NAV3: variants seen among roughly 807,000 people sequenced by gnomAD.
The protein encoded by NAV3 is neuron navigator 3, also known as pore membrane and/or filament interacting like protein 1.
NAV3 carries 87 observed loss-of-function variants against 244.7 expected under a neutral mutation model. The ratio of observed to expected loss-of-function variants is 0.36; its 90% confidence interval spans 0.30 to 0.42. NAV3 has a LOEUF of 0.42. NAV3 is among the 20% of genes least tolerant of loss of function. The probability of loss-of-function intolerance (pLI) is 1.00; values close to 1 mark genes in which losing one functional copy is unlikely to be tolerated. For missense variants in NAV3, 2,663 were observed against 2,893.3 expected, an observed-to-expected ratio of 0.92 and a Z score of 1.83; for synonymous variants, 1,126 against 1,042.2, an observed-to-expected ratio of 1.08 and a Z score of -1.55.
intron 8 of NAV3, among the ~76,000 whole-genome samples, chr12:78,013,799 A>C (rs1875714964): frequency 6.6e-6 from 1 of 152,128 alleles, no homozygotes; most frequent in Admixed American, 6.6e-5. Context: ...TGAATTTCTT[A>C]GGTTTGTTAA....
At chr12:78,129,814 A>G (rs1200607527) in intron 18 of NAV3, among the ~76,000 whole-genome samples, 1 of 152,168 alleles carries the variant, frequency 6.6e-6, no homozygotes, top group African/African-American at 2.4e-5. Context: ...AGGACGGAGG[A>G]CAATGAAACA....
chr12:77,596,177 G>A (rs1164136162), intron 2 of NAV3, among the ~76,000 whole-genome samples: 1 of 152,100 alleles, frequency 6.6e-6, no homozygotes, highest in Non-Finnish European at 1.5e-5. Flanking sequence ...TTGCATAAGA[G>A]GCTTGATCTC....
At chr12:78,128,990 A>G in intron 18 of NAV3, 124 bp downstream of exon 18, 1 of 822,960 alleles carries the variant, frequency 1.2e-6, no homozygotes, top group Non-Finnish European at 1.9e-6. Flanking sequence ...GCACTTTAAC[A>G]GTACCTTTCA....
chr12:78,099,358 TA>T (rs1305720256), intron 12 of NAV3, among the ~76,000 whole-genome samples: 8 of 151,774 alleles, frequency 5.3e-5, no homozygotes, highest in Admixed American at 3.3e-4. Flanking sequence ...AGCAGAGTGT[TA>T]ACTAGGTAAA....
intron 2 of NAV3, among the ~76,000 whole-genome samples, chr12:77,573,110 GA>G (rs1868907934): frequency 6.6e-6 from 1 of 152,150 alleles, no homozygotes; most frequent in Non-Finnish European, 1.5e-5. Flanking sequence ...GTGCTGGCAA[GA>G]AATGGGAGAA....
At chr12:78,182,573 A>G (rs940747178) in intron 30 of NAV3, among the ~76,000 whole-genome samples, 1 of 151,998 alleles carries the variant, frequency 6.6e-6, no homozygotes, top group Non-Finnish European at 1.5e-5. Flanking sequence ...AAAACTTAGT[A>G]TCTAGGAAAA....
At chr12:77,717,530 A>G (rs1187257216) in intron 2 of NAV3, among the ~76,000 whole-genome samples, 6 of 152,112 alleles carry the variant, frequency 3.9e-5, no homozygotes, top group Non-Finnish European at 8.8e-5. Flanking sequence ...TCATCAGTGG[A>G]CATTTATGTT....
chr12:78,017,647 G>A (rs990120838), intron 8 of NAV3, among the ~76,000 whole-genome samples: 4 of 152,038 alleles, frequency 2.6e-5, no homozygotes, highest in East Asian at 3.9e-4. Context: ...CAGTTTATGG[G>A]GAAACAGTGA....
chr12:77,678,370 C>T (rs1408307534), intron 2 of NAV3, among the ~76,000 whole-genome samples: 2 of 151,984 alleles, frequency 1.3e-5, no homozygotes, highest in African/African-American at 2.4e-5. Context: ...TTAACGTTTA[C>T]TAACGTATTT....
At chr12:78,130,135 C>A (rs1346909314) in intron 18 of NAV3, among the ~76,000 whole-genome samples, 1 of 152,074 alleles carries the variant, frequency 6.6e-6, no homozygotes, top group African/African-American at 2.4e-5. Flanking sequence ...AGCTTTTTGC[C>A]AGTCTAGTTT....
intron 14 of NAV3, 29 bp from the exon 15 acceptor site, chr12:78,119,208 C>CAT: frequency 6.3e-7 from 1 of 1,585,606 alleles, no homozygotes; most frequent in South Asian, 1.1e-5. Context: ...TCTACAGGCA[C>CAT]ATATATTTGT....
chr12:77,844,038 G>T (rs530890945), intron 1 of NAV3, among the ~76,000 whole-genome samples: 1 of 152,334 alleles, frequency 6.6e-6, no homozygotes, highest in African/African-American at 2.4e-5. Flanking sequence ...CTGTTGAGCT[G>T]TTAAGATTAA....
intron 1 of NAV3, among the ~76,000 whole-genome samples, chr12:77,881,591 A>G (rs1244773373): frequency 6.6e-6 from 1 of 152,162 alleles, no homozygotes; most frequent in Non-Finnish European, 1.5e-5. Context: ...GCAATTAGTG[A>G]ACAGAAAGAA....
At chr12:78,058,412 A>T (rs1883831712) in intron 11 of NAV3, among the ~76,000 whole-genome samples, 1 of 152,146 alleles carries the variant, frequency 6.6e-6, no homozygotes, top group African/African-American at 2.4e-5. Context: ...ATATGGGGAA[A>T]ACTATCCCCG....
chr12:77,704,563 T>G (rs1875706742), intron 2 of NAV3, among the ~76,000 whole-genome samples: 1 of 152,134 alleles, frequency 6.6e-6, no homozygotes, highest in Non-Finnish European at 1.5e-5. Flanking sequence ...CACATAATCT[T>G]TTTTTTCTGG....
upstream of NAV3, among the ~76,000 whole-genome samples, chr12:77,828,423 T>G (rs147806627): frequency 1.9e-3 from 286 of 152,246 alleles, 2 homozygotes; most frequent in African/African-American, 6.5e-3. Context: ...ACTAACACAG[T>G]GGGTTCGAGA....
intron 12 of NAV3, among the ~76,000 whole-genome samples, chr12:78,075,167 T>C (rs918026727): frequency 4.6e-5 from 7 of 152,174 alleles, no homozygotes; most frequent in African/African-American, 1.7e-4. Context: ...CTGTACATCA[T>C]TGTAAGCAGT....
At chr12:77,626,517 A>G (rs2136897265) in intron 2 of NAV3, among the ~76,000 whole-genome samples, 1 of 152,306 alleles carries the variant, frequency 6.6e-6, no homozygotes, top group East Asian at 1.9e-4. Flanking sequence ...CAAACTGTCA[A>G]AAGTCAGGGA....
chr12:77,644,794 A>G (rs2136964811), intron 2 of NAV3, among the ~76,000 whole-genome samples: 1 of 152,250 alleles, frequency 6.6e-6, no homozygotes, highest in South Asian at 2.1e-4. Context: ...CTTTCTGAGT[A>G]TACGGATTTA....
Sources: allele counts gnomAD v4.1 joint callset (sites outside exome capture counted in the v4.1 genomes callset), GRCh38; gene constraint gnomAD v4.1.1; transcripts MANE v1.5; gene names NCBI Gene and HGNC (gene_info 2026-07-23, HGNC 2026-07-21).